DNHD1: variants seen among roughly 807,000 people sequenced by gnomAD.
The protein encoded by DNHD1 is dynein heavy chain domain 1.
In DNHD1, 383 loss-of-function variants were observed where a neutral mutation model predicts 458.1. The observed-to-expected ratio is 0.84, with a 90% CI of 0.77 to 0.91. DNHD1 has a LOEUF of 0.91. DNHD1 is among the 40% of genes least tolerant of loss of function. DNHD1 has a pLI of 0.00. For missense variants in DNHD1, 5,336 were observed against 5,866.1 expected (o/e 0.91, Z 2.95); for synonymous variants, 2,203 against 2,376.9 (o/e 0.93, Z 2.13).
At position 6,533,948 on chromosome 11, in the gene DNHD1, T is replaced by C; in HGVS notation, c.2773T>C (p.Phe925Leu). The C allele has an allele frequency of 6.4e-7, 1 of 1,550,956 alleles. No individual in the cohort carries two copies. The highest frequency in any genetic ancestry group is 2.4e-5 in the East Asian group (1 of 40,866). Residue 925 changes from phenylalanine (F) to leucine (L), a missense_variant, in exon 14 of 43, where the codon TTC (phenylalanine) becomes CTC (leucine). Physicochemically the swap from Phe to Leu is conservative, Grantham distance 22. Coordinates refer to ENST00000254579, the MANE Select transcript of DNHD1 (RefSeq NM_144666.3). ...GTTTGAGAAAAGCCAGGCTTCAGAG[T>C]TCCTGCTCAGCAAGCGACATGCCAT... is the stretch of plus-strand genomic sequence containing the variant. The part of the protein sequence containing the change: ...FQFEKSQASE[F>L]LLSKRHAIMP...
In DNHD1 at chr11:6,568,582, G is replaced by A. The variant is rs1414740326; in HGVS notation, c.12661+6G>A. Reference sequence around the variant, plus strand: ...GTCTAGTGCTTCTTTGCCAGGTGAGGAGCTTAACCCCCTACAGGCTCTCAA... The same window carrying A: ...GTCTAGTGCTTCTTTGCCAGGTGAGAAGCTTAACCCCCTACAGGCTCTCAA... On this transcript the variant is annotated splice_donor_region_variant and intron_variant, in intron 38 of 42. Transcript: ENST00000254579. The A allele has an allele frequency of 3.0e-5, 49 of 1,613,828 alleles. No homozygotes were observed. The highest frequency in any genetic ancestry group is 4.2e-5 in the Non-Finnish European group (49 of 1,179,906).
At chr11:6,550,034 GTC>G (rs2134435729) in intron 24 of DNHD1, among the ~76,000 whole-genome samples, 1 of 152,316 alleles carries the variant, frequency 6.6e-6, no homozygotes, top group South Asian at 2.1e-4. Flanking sequence ...AAACAGCGAA[GTC>G]TCTTATGAGA....
intron 10 of DNHD1, among the ~76,000 whole-genome samples, chr11:6,522,097 T>C (rs1427928256): frequency 6.6e-6 from 1 of 152,320 alleles, no homozygotes; most frequent in Non-Finnish European, 1.5e-5. Flanking sequence ...ATCCATGATA[T>C]TGAGCTTTTG....
chr11:6,569,520 C>T (rs1184037693), intron 39 of DNHD1, among the ~76,000 whole-genome samples: 4 of 152,090 alleles, frequency 2.6e-5, no homozygotes, highest in Non-Finnish European at 5.9e-5. Context: ...TGATTTTATC[C>T]TGAAGACAGT....
At chr11:6,559,995 A>G (rs12271509) in intron 28 of DNHD1, among the ~76,000 whole-genome samples, 9,875 of 152,268 alleles carry the variant, frequency 0.065, 707 homozygotes, top group African/African-American at 0.18. Context: ...TATTCTTTGA[A>G]TAAACAAACT....
chr11:6,520,622 T>G, intron 10 of DNHD1: 1 of 1,139,058 alleles, frequency 8.8e-7, no homozygotes, highest in African/African-American at 1.6e-5. Context: ...ACTACTGAAT[T>G]TTATTGCTAA....
At chr11:6,515,876 C>T (rs949738893) in intron 7 of DNHD1, among the ~76,000 whole-genome samples, 1 of 150,278 alleles carries the variant, frequency 6.7e-6, no homozygotes, top group Non-Finnish European at 1.5e-5. Flanking sequence ...CCTCCACCCC[C>T]TTGGGCTCAA....
At chr11:6,534,598 G>T (rs1211814156) in intron 14 of DNHD1, among the ~76,000 whole-genome samples, 1 of 152,172 alleles carries the variant, frequency 6.6e-6, no homozygotes, top group Middle Eastern at 3.2e-3. Context: ...CAGCCAGTGT[G>T]GTATAGAGAG....
Position 6,567,244 on chromosome 11 carries a change from C to T in DNHD1, c.11735C>T (p.Ala3912Val). 2 of 1,613,956 alleles carry T rather than the reference C, an allele frequency of 1.2e-6. No homozygotes were observed. Among genetic ancestry groups the T allele is most frequent in the Non-Finnish European group, 8.5e-7 (1 of 1,179,908 alleles). The change falls in exon 36 of 43, where the codon GCA becomes GTA. Residue 3912 changes from alanine (A) to valine (V), a missense_variant. By Grantham distance (64) the Ala-to-Val change is moderately conservative (BLOSUM62 0). Transcript: ENST00000254579. ...DLASHLLQLR[A>V]HLTRQLLGST... ...GCCAGCCATCTACTGCAATTGAGAG[C>T]ACACCTGACCCGCCAGCTGCTGGGC...
intron 24 of DNHD1, among the ~76,000 whole-genome samples, chr11:6,551,490 TACAA>T (rs1160561091): frequency 1.3e-5 from 2 of 152,116 alleles, no homozygotes; most frequent in African/African-American, 4.8e-5. Context: ...TAGAAAAACA[TACAA>T]ACAATGGAGA....
At chr11:6,509,762 C>T (rs1852300134) in intron 6 of DNHD1, among the ~76,000 whole-genome samples, 1 of 152,082 alleles carries the variant, frequency 6.6e-6, no homozygotes, top group African/African-American at 2.4e-5. Flanking sequence ...TCCTTGCTTT[C>T]CCTACATGAC....
At chr11:6,499,173 A>G (rs924867958) in intron 3 of DNHD1, among the ~76,000 whole-genome samples, 11 of 152,256 alleles carry the variant, frequency 7.2e-5, no homozygotes, top group African/African-American at 2.4e-4. Context: ...CCATAGAGAA[A>G]TACAGAAATT....
At chr11:6,533,613 C>T (rs1426061216) in intron 13 of DNHD1, 68 bp from the exon 14 acceptor site, 8 of 1,482,264 alleles carry the variant, frequency 5.4e-6, no homozygotes, top group Non-Finnish European at 5.4e-6. Flanking sequence ...GGGAGTTCCC[C>T]TTGGGGATGG....
rs1852205105 is a variant in DNHD1, at chr11:6,505,106, C to T, written c.920+2180C>T. 6.6e-6 allele frequency among the ~76,000 whole-genome samples: 1 copy of T among 152,094 alleles called. No individual in the cohort carries two copies. The highest frequency in any genetic ancestry group is 2.1e-4 in the South Asian group (1 of 4,826). On this transcript the variant is annotated intron_variant, in intron 4 of 42. Transcript: ENST00000254579. The surrounding 1 kb of genome is among the most constrained non-coding windows in gnomAD (Gnocchi z 4.4). ...TCAGCCTCCCAAAGTGCTGGGATTA[C>T]AGACGTGAGCCATTGCACCCGGCCC...
chr11:6,547,541 T>C lies in DNHD1; in HGVS notation c.6602T>C (p.Leu2201Pro). The change falls in exon 21 of 43, where the codon CTG (leucine) becomes CCG (proline). Residue 2201 changes from leucine (L) to proline (P), a missense_variant. By Grantham distance (98) the Leu-to-Pro change is moderately conservative. Around this residue, in one of 4 missense-constraint regions of DNHD1, gnomAD observed 3,932 missense variants for 4,365.6 expected, o/e 0.90. Transcript: ENST00000254579. Reference sequence around the variant, plus strand: ...CTCACCTGCCAAGGTGTCAGCTCTCTGCTGCAGGTACACGGGCAGCAGGCT... The same window carrying C: ...CTCACCTGCCAAGGTGTCAGCTCTCCGCTGCAGGTACACGGGCAGCAGGCT... ...RFLTCQGVSS[L>P]LQVHGQQAVC... The C allele has an allele frequency of 6.4e-7, 1 of 1,551,314 alleles. No individual in the cohort carries two copies. Among genetic ancestry groups the C allele is most frequent in the Non-Finnish European group, 8.7e-7 (1 of 1,146,616 alleles).
At chr11:6,510,122 C>T (rs1021743522) in intron 6 of DNHD1, among the ~76,000 whole-genome samples, 5 of 151,588 alleles carry the variant, frequency 3.3e-5, no homozygotes, top group African/African-American at 7.3e-5. Context: ...TCACTCTTGT[C>T]GCCCAGGCTG....
Position 6,546,025 on chromosome 11 carries a change from A to G in DNHD1, c.5086A>G (p.Ile1696Val), listed in dbSNP as rs1324227955. 1 of 1,551,566 alleles carries G rather than the reference A, an allele frequency of 6.4e-7. No homozygotes were observed. Among genetic ancestry groups the G allele is most frequent in the Non-Finnish European group, 8.7e-7 (1 of 1,146,852 alleles). The change falls in exon 21 of 43, where the codon ATA becomes GTA. Residue 1696 changes from isoleucine to valine, a missense_variant. By Grantham distance (29) the Ile-to-Val change is conservative. This residue lies in a region of DNHD1 where 3,932 missense variants were observed against 4,365.6 expected (regional missense o/e 0.90). Transcript: ENST00000254579. ...TCCTAATGGTGTGGGCAAGAGAGCT[A>G]TAGTGAACAGCCTGGCACAGGCCCT... Reference protein sequence around the residue: ...LGPNGVGKRAIVNSLAQALGR... With the variant: ...LGPNGVGKRAVVNSLAQALGR...
chr11:6,518,185 A>G (rs1324198123), intron 7 of DNHD1, among the ~76,000 whole-genome samples: 1 of 152,130 alleles, frequency 6.6e-6, no homozygotes. Context: ...CAGCCTCCCG[A>G]GTAGCTGGGA....
intron 7 of DNHD1, among the ~76,000 whole-genome samples, chr11:6,514,459 C>T (rs1170102414): frequency 6.7e-6 from 1 of 149,960 alleles, no homozygotes; most frequent in African/African-American, 2.5e-5. Context: ...CTCCCTCTCT[C>T]TCTCCTCTCC....
Sources: allele counts gnomAD v4.1 joint callset (sites outside exome capture counted in the v4.1 genomes callset), GRCh38; gene constraint gnomAD v4.1.1; regional missense constraint gnomAD v4.1.1; non-coding constraint Gnocchi (gnomAD v3.1); transcripts MANE v1.5; gene names NCBI Gene and HGNC (gene_info 2026-07-23, HGNC 2026-07-21).